ATP2B1: variants seen among roughly 807,000 people sequenced by gnomAD.
ATP2B1 encodes the protein ATPase plasma membrane Ca2+ transporting 1, also known as plasma membrane calcium-transporting ATPase 1.
Under a neutral mutation model 124.2 loss-of-function variants are expected in ATP2B1, and 14 were observed. The observed-to-expected ratio is 0.11, with a 90% CI of 0.07 to 0.18. The LOEUF (loss-of-function observed/expected upper bound fraction) is 0.18, where lower values mean the gene tolerates loss of function less well. Among genes scored for constraint, ATP2B1 ranks in the 10% least tolerant of loss-of-function variants. The pLI is 1.00. For missense variants in ATP2B1, 763 were observed against 1,466.1 expected, an observed-to-expected ratio of 0.52 and a Z score of 7.83; for synonymous variants, 449 against 492.4, an observed-to-expected ratio of 0.91 and a Z score of 1.17.
chr12:89,610,414 T>C lies in ATP2B1; in HGVS notation c.2335+7A>G. 6.2e-7 allele frequency: 1 copy of C among 1,609,292 alleles called. No individual in the cohort carries two copies. Among genetic ancestry groups the C allele is most frequent in the Non-Finnish European group, 8.5e-7 (1 of 1,177,604 alleles). ...GAAATTGTGAAATAACTGAAAAATC[T>C]ACTTACCTTTAACCAGTGTATGCTT... On this transcript the variant is annotated splice_region_variant and intron_variant, in intron 14 of 20. Coordinates refer to ENST00000428670, the MANE Select transcript of ATP2B1 (RefSeq NM_001366521.1).
At chr12:89,607,316 T>G (rs1877109071) in intron 15 of ATP2B1, among the ~76,000 whole-genome samples, 2 of 152,156 alleles carry the variant, frequency 1.3e-5, no homozygotes, top group African/African-American at 4.8e-5. Flanking sequence ...TGTACATAAT[T>G]CGCTGATGAA....
chr12:89,700,665 T>C (rs1891740135), intron 1 of ATP2B1, among the ~76,000 whole-genome samples: 4 of 152,332 alleles, frequency 2.6e-5, no homozygotes, highest in South Asian at 2.1e-4. Context: ...ATTCCATTCA[T>C]CTCTACCTTC....
chr12:89,677,954 T>TTATATATATATACGTATATATA (rs1888818990), intron 1 of ATP2B1, among the ~76,000 whole-genome samples: 1 of 68,762 alleles, frequency 1.5e-5, no homozygotes, highest in African/African-American at 6.4e-5. Flanking sequence ...CATGCAGGAA[T>TTATATATATATACGTATATATA]TATATATATA....
chr12:89,609,679 T>C (rs148855305), intron 15 of ATP2B1, among the ~76,000 whole-genome samples: 8 of 152,198 alleles, frequency 5.3e-5, no homozygotes, highest in Non-Finnish European at 1.2e-4. Context: ...CATTAAAAAA[T>C]TAACAGAATA....
chr12:89,602,983 G>A, intron 18 of ATP2B1, 60 bp downstream of exon 18: 1 of 1,458,120 alleles, frequency 6.9e-7, no homozygotes, highest in South Asian at 1.2e-5. Context: ...AGAACAAGCT[G>A]TTTACCTAAT....
chr12:89,702,842 T>C (rs966710983), intron 1 of ATP2B1, among the ~76,000 whole-genome samples: 1 of 152,166 alleles, frequency 6.6e-6, no homozygotes, highest in African/African-American at 2.4e-5. Flanking sequence ...AAATACCAAA[T>C]ATTCTTATAA....
chr12:89,625,797 G>A (rs1343074373), intron 8 of ATP2B1, among the ~76,000 whole-genome samples: 2 of 152,062 alleles, frequency 1.3e-5, no homozygotes, highest in African/African-American at 2.4e-5. Flanking sequence ...AGTGTACTGA[G>A]GACAGAAGCA....
chr12:89,701,717 G>T (rs533535781), intron 1 of ATP2B1, among the ~76,000 whole-genome samples: 82 of 152,164 alleles, frequency 5.4e-4, no homozygotes, highest in Admixed American at 1.3e-4. Flanking sequence ...AGTTAATTTG[G>T]TTTTTTTGTT....
chr12:89,619,180 C>A (rs945040018), intron 11 of ATP2B1, among the ~76,000 whole-genome samples: 1 of 152,140 alleles, frequency 6.6e-6, no homozygotes, highest in Non-Finnish European at 1.5e-5. Context: ...GACACTGCAG[C>A]AGCATAAACA....
chr12:89,588,392 T>C lies in ATP2B1; in HGVS notation c.*2592A>G, dbSNP rs973938372. ...CTATTTACAACCACAAAAAAGGCAA[T>C]GATGAGGAGAAAAGGATTTTTAAAA... On this transcript the variant is annotated 3_prime_UTR_variant, in exon 21 of 21. Coordinates refer to ENST00000428670, the MANE Select transcript of ATP2B1 (RefSeq NM_001366521.1). The C allele has an allele frequency of 2.6e-5, 4 of 152,540 alleles. No homozygotes were observed. The highest frequency in any genetic ancestry group is 7.2e-5 in the African/African-American group (3 of 41,514). The allele number at this position is 152,540 out of a possible 1,614,324, so 9.4% of individuals were successfully genotyped here. A position where few individuals can be genotyped will look rare whatever the true frequency, so the allele number is the denominator to read the frequency against.
intron 1 of ATP2B1, among the ~76,000 whole-genome samples, chr12:89,662,773 C>T (rs1228146376): frequency 6.6e-6 from 1 of 152,030 alleles, no homozygotes; most frequent in Non-Finnish European, 1.5e-5. Context: ...ATTAGTCCTA[C>T]TCCCCTAAGT....
At position 89,655,998 on chromosome 12, in the gene ATP2B1, A is replaced by C; in HGVS notation, c.-112T>G. On this transcript the variant is annotated 5_prime_UTR_variant, in exon 2 of 21. Coordinates refer to ENST00000428670, the MANE Select transcript of ATP2B1 (RefSeq NM_001366521.1). ...TATGAAAATCTTTCTTAAACCAAAC[A>C]CTCATTGTATGACTTTGTAAAGCAG... 9.0e-7 allele frequency: 1 copy of C among 1,106,870 alleles called. No individual in the cohort carries two copies. The highest frequency in any genetic ancestry group is 1.7e-5 in the South Asian group (1 of 59,642). 68.6% of individuals were successfully genotyped at this position (1,106,870 alleles called of 1,614,324 possible). A position where few individuals can be genotyped will look rare whatever the true frequency, so the allele number is the denominator to read the frequency against.
intron 6 of ATP2B1, among the ~76,000 whole-genome samples, chr12:89,628,051 G>A (rs1881180520): frequency 6.6e-6 from 1 of 152,148 alleles, no homozygotes; most frequent in Admixed American, 6.5e-5. Context: ...AAAGGGCAGA[G>A]GTGGAGAGGG....
chr12:89,684,921 T>C (rs1365141184), intron 1 of ATP2B1, among the ~76,000 whole-genome samples: 23 of 152,316 alleles, frequency 1.5e-4, no homozygotes, highest in Non-Finnish European at 1.5e-5. Flanking sequence ...TTTCAATTTC[T>C]AAACCAATGA....
At chr12:89,660,177 G>A (rs550662548) in intron 1 of ATP2B1, among the ~76,000 whole-genome samples, 20 of 152,078 alleles carry the variant, frequency 1.3e-4, no homozygotes, top group African/African-American at 2.4e-4. Flanking sequence ...TTTTCTTAAC[G>A]CACTGTTGGG....
chr12:89,677,971 T>TATATATATATATATATATATATATATAC (rs1461216851), intron 1 of ATP2B1, among the ~76,000 whole-genome samples: 1 of 52,302 alleles, frequency 1.9e-5, no homozygotes, highest in Non-Finnish European at 4.0e-5. Flanking sequence ...TATATATATA[T>TATATATATATATATATATATATATATAC]ACACACACAC....
intron 1 of ATP2B1, among the ~76,000 whole-genome samples, chr12:89,661,352 T>C (rs1182661890): frequency 6.6e-6 from 1 of 152,214 alleles, no homozygotes; most frequent in Non-Finnish European, 1.5e-5. Flanking sequence ...TGTTAAATCA[T>C]GGTTACAAAG....
rs1433151829 is a variant in ATP2B1 at position 89,663,265 on chromosome 12, A to G, written c.-221-7158T>C. 2.0e-5 allele frequency among the ~76,000 whole-genome samples: 3 copies of G among 152,220 alleles called. No individual in the cohort carries two copies. The South Asian group carries it at 6.2e-4, about 32-fold the overall frequency. On this transcript the variant is annotated intron_variant, in intron 1 of 20. Transcript: ENST00000428670. ...ACCATCTTGGTATGCCAGATATATTATAGCTTTCCTTTAAATCCTTTTAGA... is the reference window on the plus strand; with the variant it reads ...ACCATCTTGGTATGCCAGATATATTGTAGCTTTCCTTTAAATCCTTTTAGA...
chr12:89,700,373 G>A (rs1350962180), intron 1 of ATP2B1, among the ~76,000 whole-genome samples: 4 of 152,002 alleles, frequency 2.6e-5, no homozygotes, highest in East Asian at 1.9e-4. Context: ...GTAGTTCTCC[G>A]CTATGGTATT....
Sources: gnomAD v4.1 joint callset for allele counts (sites outside exome capture counted in the v4.1 genomes callset) on GRCh38, gnomAD v4.1.1 for gene constraint, MANE v1.5 for transcripts, NCBI Gene and HGNC (gene_info 2026-07-23, HGNC 2026-07-21) for gene names.